The following ESRRG variants were observed in gnomAD, a reference collection of about 807,000 sequenced individuals.
ESRRG encodes estrogen related receptor gamma.
In ESRRG, 13 loss-of-function variants were observed where a neutral mutation model predicts 44.0. The observed-to-expected ratio is 0.30, with a 90% CI of 0.19 to 0.47. ESRRG has a LOEUF of 0.47. Among genes scored for constraint, ESRRG ranks in the 20% least tolerant of loss-of-function variants. The pLI, the probability that ESRRG is intolerant of heterozygous loss-of-function variation, is 1.00. For missense variants in ESRRG, 395 were observed against 580.6 expected, an observed-to-expected ratio of 0.68 and a Z score of 3.29; for synonymous variants, 215 against 214.6, an observed-to-expected ratio of 1.00 and a Z score of -0.02.
intron 3 of ESRRG, among the ~76,000 whole-genome samples, chr1:216,611,257 GCA>G (rs1213473211): frequency 6.7e-6 from 1 of 148,788 alleles, no homozygotes; most frequent in East Asian, 2.0e-4. Context: ...ACACAGTTTG[GCA>G]CACGGCAGGT....
At chr1:216,597,645 C>T (rs2058633702) in intron 3 of ESRRG, among the ~76,000 whole-genome samples, 1 of 152,172 alleles carries the variant, frequency 6.6e-6, no homozygotes, top group South Asian at 2.1e-4. Flanking sequence ...TCATGGAACA[C>T]TCCCATAACT....
intron 1 of ESRRG, among the ~76,000 whole-genome samples, chr1:216,712,421 G>A (rs938993821): frequency 3.3e-5 from 5 of 152,146 alleles, no homozygotes; most frequent in African/African-American, 4.8e-5. Context: ...GTTTACTCAG[G>A]ACAAAAAGAT....
chr1:216,801,121 T>C (rs961793269), intron 2 of ESRRG, among the ~76,000 whole-genome samples: 8 of 152,224 alleles, frequency 5.3e-5, no homozygotes, highest in South Asian at 2.1e-4. Context: ...CAAGAGCACC[T>C]AAAATCTACA....
intron 3 of ESRRG, among the ~76,000 whole-genome samples, chr1:216,615,008 G>C (rs1014939441): frequency 6.6e-6 from 1 of 152,136 alleles, no homozygotes; most frequent in Non-Finnish European, 1.5e-5. Flanking sequence ...TAGGCGGCTT[G>C]GTCATAAGGA....
intron 5 of ESRRG, among the ~76,000 whole-genome samples, chr1:216,530,219 C>A (rs570086978): frequency 1.3e-5 from 2 of 151,200 alleles, no homozygotes; most frequent in African/African-American, 4.9e-5. Flanking sequence ...ATTGTAAGAA[C>A]CTTTTAAAAA....
intron 2 of ESRRG, among the ~76,000 whole-genome samples, chr1:216,835,613 G>T (rs1278657619): frequency 1.3e-5 from 2 of 152,184 alleles, no homozygotes; most frequent in Non-Finnish European, 2.9e-5. Context: ...CAACCGGAAA[G>T]GTTGGCATCA....
chr1:216,647,100 C>T (rs2067773962), intron 3 of ESRRG, among the ~76,000 whole-genome samples: 1 of 151,976 alleles, frequency 6.6e-6, no homozygotes, highest in African/African-American at 2.4e-5. Flanking sequence ...TTTAAATAAC[C>T]AAGGAGAGAG....
At chr1:217,088,103 G>A (rs912376706) in intron 1 of ESRRG, among the ~76,000 whole-genome samples, 78 of 150,536 alleles carry the variant, frequency 5.2e-4, no homozygotes, top group African/African-American at 1.8e-3. Context: ...CCATTTTTCT[G>A]TCTTTTTCTC....
chr1:216,533,415 A>C (rs2050001630), intron 5 of ESRRG, among the ~76,000 whole-genome samples: 1 of 152,168 alleles, frequency 6.6e-6, no homozygotes, highest in South Asian at 2.1e-4. Flanking sequence ...GAGAGAGTGT[A>C]TAAGAAAAAC....
At chr1:216,888,981 C>T (rs1433074032) in intron 2 of ESRRG, among the ~76,000 whole-genome samples, 1 of 152,094 alleles carries the variant, frequency 6.6e-6, no homozygotes. Context: ...TTAAAATAAG[C>T]TCATCCTTGC....
At chr1:216,573,639 T>C (rs762083116) in intron 3 of ESRRG, among the ~76,000 whole-genome samples, 60 of 152,024 alleles carry the variant, frequency 3.9e-4, no homozygotes, top group East Asian at 1.2e-3. Flanking sequence ...TACTATTTGA[T>C]GTTTGAGTGA....
chr1:216,559,679 C>T (rs970763669), intron 5 of ESRRG, among the ~76,000 whole-genome samples: 5 of 152,132 alleles, frequency 3.3e-5, no homozygotes, highest in Admixed American at 2.0e-4. Context: ...TGCTTTTGCA[C>T]GTATCCTAAT....
At chr1:216,708,111 C>T (rs1444725567) in intron 1 of ESRRG, among the ~76,000 whole-genome samples, 1 of 151,868 alleles carries the variant, frequency 6.6e-6, no homozygotes, top group Non-Finnish European at 1.5e-5. Flanking sequence ...TTTGAATATT[C>T]TTGGTATATT....
intron 1 of ESRRG, among the ~76,000 whole-genome samples, chr1:216,702,615 A>AAG (rs2081597597): frequency 6.7e-6 from 1 of 150,268 alleles, no homozygotes; most frequent in Non-Finnish European, 1.5e-5. Flanking sequence ...ATACAAAAAA[A>AAG]AAAAAAAGAA....
At chr1:216,569,467 C>T (rs982394166) in intron 3 of ESRRG, among the ~76,000 whole-genome samples, 3 of 151,814 alleles carry the variant, frequency 2.0e-5, no homozygotes, top group Non-Finnish European at 2.9e-5. Flanking sequence ...TTTCTGGCAG[C>T]GGATTTAAAA....
intron 2 of ESRRG, among the ~76,000 whole-genome samples, chr1:216,741,660 TGA>T (rs1190245275): frequency 6.6e-6 from 1 of 152,200 alleles, no homozygotes; most frequent in African/African-American, 2.4e-5. Flanking sequence ...GCTTAGGGCC[TGA>T]CAGACTGGAT....
At chr1:216,794,245 C>T (rs1370162246) in intron 2 of ESRRG, among the ~76,000 whole-genome samples, 1 of 152,086 alleles carries the variant, frequency 6.6e-6, no homozygotes, top group African/African-American at 2.4e-5. Flanking sequence ...AAGAAACTCC[C>T]GTAGGTCTTG....
chr1:216,742,292 G>T (rs901042577), intron 2 of ESRRG, among the ~76,000 whole-genome samples: 1 of 152,128 alleles, frequency 6.6e-6, no homozygotes, highest in Admixed American at 6.6e-5. Flanking sequence ...TTGAAAAAGG[G>T]CATGGCCAAT....
chr1:216,714,834 C>T (rs527239043), intron 1 of ESRRG, among the ~76,000 whole-genome samples: 15 of 152,054 alleles, frequency 9.9e-5, no homozygotes, highest in Admixed American at 6.5e-4. Context: ...ATGGCTCATA[C>T]GAATTGAAAG....
Sources: gnomAD v4.1 joint callset for allele counts (sites outside exome capture counted in the v4.1 genomes callset) on GRCh38, gnomAD v4.1.1 for gene constraint, MANE v1.5 for transcripts, NCBI Gene and HGNC (gene_info 2026-07-23, HGNC 2026-07-21) for gene names.